The following LRBA variants were observed in gnomAD, a reference collection of about 807,000 sequenced individuals.
LRBA encodes lipopolysaccharide-responsive and beige-like anchor protein.
Under a neutral mutation model 330.0 loss-of-function variants are expected in LRBA, and 176 were observed. The observed-to-expected ratio is 0.53, with a 90% CI of 0.47 to 0.60. The LOEUF is 0.60. LRBA is among the 20% of genes least tolerant of loss of function. The pLI, the probability that LRBA is intolerant of heterozygous loss-of-function variation, is 0.00. For missense variants in LRBA, 3,259 were observed against 3,444.8 expected, an observed-to-expected ratio of 0.95 and a Z score of 1.35; for synonymous variants, 1,230 against 1,193.0, an observed-to-expected ratio of 1.03 and a Z score of -0.64.
chr4:150,597,137 T>C (rs367667542), intron 38 of LRBA: 6 of 1,309,040 alleles, frequency 4.6e-6, no homozygotes, highest in South Asian at 1.4e-5. Flanking sequence ...ATAATTAACA[T>C]TGGATTAACC....
At chr4:150,922,630 C>A (rs140056412) in intron 4 of LRBA, among the ~76,000 whole-genome samples, 3 of 151,682 alleles carry the variant, frequency 2.0e-5, no homozygotes, top group Admixed American at 2.0e-4. Context: ...GAGTGGGAGG[C>A]GGGTGAGAGA....
At chr4:150,657,099 G>T (rs992863172) in intron 37 of LRBA, among the ~76,000 whole-genome samples, 1 of 152,126 alleles carries the variant, frequency 6.6e-6, no homozygotes, top group African/African-American at 2.4e-5. Context: ...GCACAGAAGG[G>T]GGAAGTACAA....
At chr4:150,277,616 G>A (rs1240982222) in intron 56 of LRBA, among the ~76,000 whole-genome samples, 2 of 151,832 alleles carry the variant, frequency 1.3e-5, no homozygotes, top group Non-Finnish European at 2.9e-5. Flanking sequence ...AACTCCATCA[G>A]CCCATTTAAA....
At chr4:150,695,881 G>C (rs1408982498) in intron 36 of LRBA, among the ~76,000 whole-genome samples, 4 of 152,094 alleles carry the variant, frequency 2.6e-5, no homozygotes, top group African/African-American at 4.8e-5. Context: ...TATTAGCAAG[G>C]TCTCCTACTT....
intron 46 of LRBA, among the ~76,000 whole-genome samples, chr4:150,430,494 A>C (rs1482639234): frequency 6.6e-6 from 1 of 152,158 alleles, no homozygotes; most frequent in Non-Finnish European, 1.5e-5. Flanking sequence ...CCCAAGGGGC[A>C]TGAGCCTACT....
At chr4:150,707,461 T>A (rs1785740918) in intron 36 of LRBA, among the ~76,000 whole-genome samples, 1 of 151,154 alleles carries the variant, frequency 6.6e-6, no homozygotes, top group South Asian at 2.1e-4. Context: ...CAGAAAAACA[T>A]CAAGAAAGTC....
intron 36 of LRBA, among the ~76,000 whole-genome samples, chr4:150,726,006 TA>T (rs1729616434): frequency 2.0e-5 from 3 of 151,942 alleles, no homozygotes; most frequent in African/African-American, 7.3e-5. Flanking sequence ...GTACACAAAA[TA>T]TAAAAAGCAA....
chr4:150,651,429 G>T (rs1463409125), intron 37 of LRBA, among the ~76,000 whole-genome samples: 1 of 152,060 alleles, frequency 6.6e-6, no homozygotes, highest in Non-Finnish European at 1.5e-5. Flanking sequence ...TAATGTTGAC[G>T]GATGAAAATA....
chr4:150,840,432 C>T (rs1165711886), intron 28 of LRBA: 1 of 152,100 alleles, frequency 6.6e-6, no homozygotes, highest in Non-Finnish European at 1.5e-5. Flanking sequence ...CCTTAGAGGC[C>T]ACTGTAGGGC....
intron 37 of LRBA, among the ~76,000 whole-genome samples, chr4:150,654,052 A>G (rs949833963): frequency 1.3e-4 from 20 of 152,242 alleles, no homozygotes; most frequent in African/African-American, 4.8e-4. Context: ...GCCTCTATGT[A>G]GTATATAATA....
At position 150,831,806 on chromosome 4, in the gene LRBA, T is replaced by C. The variant is rs199725381; in HGVS notation, c.4729+11A>G. The C allele has an allele frequency of 1.3e-6, 2 of 1,572,420 alleles. No homozygotes were observed. Among genetic ancestry groups the C allele is most frequent in the Non-Finnish European group, 1.7e-6 (2 of 1,158,744 alleles). Reference sequence around the variant, plus strand: ...AACTTTGGTACAAAGGAATAGAAAATGCAAACTTACCAGAGAGTGATACAT... The same window carrying C: ...AACTTTGGTACAAAGGAATAGAAAACGCAAACTTACCAGAGAGTGATACAT... On this transcript the variant is annotated intron_variant, in intron 29 of 56. Transcript: ENST00000651943.
chr4:150,831,874 T>C lies in LRBA; in HGVS notation c.4672A>G (p.Arg1558Gly). ...YRDILEPQNE[R>G]HSQSCTETGS... ...GTTTCTGTACATGACTGGCTATGCC[T>C]TTCATTTTGGGGTTCCAAAATGTCT... The change falls in exon 29 of 57, where the codon AGG becomes GGG. Residue 1558 changes from arginine (R) to glycine (G), a missense_variant. Arg to Gly is a moderately radical substitution (Grantham distance 125). Coordinates refer to ENST00000651943, the MANE Select transcript of LRBA (RefSeq NM_001364905.1). 4 of 1,604,862 alleles carry C rather than the reference T, an allele frequency of 2.5e-6. No homozygotes were observed. The highest frequency in any genetic ancestry group is 3.4e-6 in the Non-Finnish European group (4 of 1,175,378).
intron 2 of LRBA, among the ~76,000 whole-genome samples, chr4:150,945,070 G>A (rs1023806487): frequency 1.3e-5 from 2 of 152,080 alleles, no homozygotes; most frequent in African/African-American, 4.8e-5. Context: ...ACCCAGTCTC[G>A]GTTATTTCTT....
At chr4:150,394,638 C>T (rs2151914664) in intron 47 of LRBA, among the ~76,000 whole-genome samples, 1 of 152,236 alleles carries the variant, frequency 6.6e-6, no homozygotes, top group Non-Finnish European at 1.5e-5. Flanking sequence ...CTTTACATAT[C>T]AGGACTAAAG....
intron 17 of LRBA, among the ~76,000 whole-genome samples, chr4:150,878,773 G>T (rs1728038639): frequency 6.6e-6 from 1 of 151,090 alleles, no homozygotes; most frequent in African/African-American, 2.4e-5. Flanking sequence ...CACAAAATCA[G>T]GAAGAAATTA....
intron 33 of LRBA, among the ~76,000 whole-genome samples, chr4:150,802,485 C>G (rs1015373259): frequency 6.6e-6 from 1 of 151,724 alleles, no homozygotes; most frequent in Non-Finnish European, 1.5e-5. Flanking sequence ...AAAAAGGATC[C>G]AGTGAACTCA....
intron 44 of LRBA, among the ~76,000 whole-genome samples, chr4:150,443,879 T>A (rs374665949): frequency 0.49 from 39,625 of 81,640 alleles, 9,104 homozygotes; most frequent in Admixed American, 0.58. Context: ...TATATTTTTT[T>A]TTTTTTTTTT....
At position 150,817,256 on chromosome 4, in the gene LRBA, T is replaced by C. The variant is rs749624905; in HGVS notation, c.5173A>G (p.Ser1725Gly). 6.2e-7 allele frequency: 1 copy of C among 1,611,434 alleles called. No homozygotes were observed. Among genetic ancestry groups the C allele is most frequent in the Non-Finnish European group, 8.5e-7 (1 of 1,178,136 alleles). The change falls in exon 31 of 57, where the codon AGT becomes GGT. Residue 1725 changes from serine to glycine, a missense_variant and splice_region_variant. Coordinates refer to ENST00000651943, the MANE Select transcript of LRBA (RefSeq NM_001364905.1). ...GACTTTTTTGCTGCAACAATGACAC[T>C]TCTGTAATAAAGAAAGTAAACAGAC... ...QPVQFRSFDR[S>G]VIVAAKKSAV...
chr4:150,735,194 C>T (rs1192104233), intron 36 of LRBA, 64 bp downstream of exon 36: 1 of 1,200,916 alleles, frequency 8.3e-7, no homozygotes, highest in South Asian at 1.2e-5. Flanking sequence ...TTTACCGGGA[C>T]AATTTCTCAT....
Sources: gnomAD v4.1 joint callset for allele counts (sites outside exome capture counted in the v4.1 genomes callset) on GRCh38, gnomAD v4.1.1 for gene constraint, MANE v1.5 for transcripts, NCBI Gene and HGNC (gene_info 2026-07-23, HGNC 2026-07-21) for gene names.